TMEM255B: variants seen among roughly 807,000 people sequenced by gnomAD.
TMEM255B encodes the protein transmembrane protein 255B.
Under a neutral mutation model 34.5 loss-of-function variants are expected in TMEM255B, and 35 were observed. The ratio of observed to expected loss-of-function variants is 1.01; its 90% confidence interval spans 0.77 to 1.34. The LOEUF is 1.34. TMEM255B is among the 40% of genes most tolerant of loss of function. The pLI is 0.00. For missense variants in TMEM255B, 432 were observed against 433.2 expected, an observed-to-expected ratio of 1.00 and a Z score of 0.02; for synonymous variants, 206 against 201.2, an observed-to-expected ratio of 1.02 and a Z score of -0.20.
At chr13:113,762,990 G>A (rs1243239571) in intron 1 of TMEM255B, among the ~76,000 whole-genome samples, 1 of 152,216 alleles carries the variant, frequency 6.6e-6, no homozygotes, top group Admixed American at 6.5e-5. Context: ...AAATTGTATT[G>A]CTCTTAAAAT....
intron 8 of TMEM255B, among the ~76,000 whole-genome samples, 157 bp from the exon 9 acceptor site, chr13:113,811,579 G>A (rs892883118): frequency 3.5e-5 from 5 of 144,184 alleles, no homozygotes; most frequent in African/African-American, 1.4e-4. Context: ...CTGGGTCTGC[G>A]GGGGGCCCAT....
Position 113,812,913 on chromosome 13 carries a change from C to T in TMEM255B, c.*1010C>T, listed in dbSNP as rs139131999. ...CAGGCCCCGGGTGAGTCACAGGCCC[C>T]GGGTGAGTCACGGGTCCCGGGTGGG... On this transcript the variant is annotated 3_prime_UTR_variant, in exon 9 of 9. Coordinates refer to ENST00000375353, the MANE Select transcript of TMEM255B (RefSeq NM_182614.4). 0.054 allele frequency: 6,592 copies of T among 122,250 alleles called. 924 individuals are homozygous for T. The highest frequency in any genetic ancestry group is 0.095 in the Admixed American group (1,089 of 11,460). 7.6% of individuals were successfully genotyped at this position (122,250 alleles called of 1,614,324 possible).
intron 3 of TMEM255B, among the ~76,000 whole-genome samples, chr13:113,791,712 G>A (rs1054182028): frequency 5.9e-5 from 9 of 152,370 alleles, no homozygotes; most frequent in African/African-American, 1.9e-4. Flanking sequence ...TGGGTCGAGC[G>A]AAAGAACTTT....
chr13:113,774,833 G>A (rs1025405865), intron 3 of TMEM255B, among the ~76,000 whole-genome samples: 6 of 110,490 alleles, frequency 5.4e-5, no homozygotes, highest in Admixed American at 9.1e-5. Context: ...CAACACACAC[G>A]ACACACACAA....
intron 3 of TMEM255B, among the ~76,000 whole-genome samples, chr13:113,785,772 G>A (rs530747114): frequency 1.3e-5 from 2 of 152,280 alleles, no homozygotes; most frequent in Admixed American, 6.5e-5. Flanking sequence ...TCCTCTTCTC[G>A]ATGAAGGGAT....
chr13:113,804,067 CTG>C (rs2051117967), intron 7 of TMEM255B, among the ~76,000 whole-genome samples: 1 of 152,168 alleles, frequency 6.6e-6, no homozygotes, highest in African/African-American at 2.4e-5. Flanking sequence ...GGAGGGGCAC[CTG>C]TGTGAAGGTG....
At position 113,813,015 on chromosome 13, in the gene TMEM255B, GGGTCCCGGGTGGGTCACA is replaced by G. The variant is rs2051357726; in HGVS notation, c.*1115_*1132del. On this transcript the variant is annotated 3_prime_UTR_variant, in exon 9 of 9. Coordinates refer to ENST00000375353, the MANE Select transcript of TMEM255B (RefSeq NM_182614.4). ...GGGTCACGGGTCCCGAGTGGGTCAC[GGGTCCCGGGTGGGTCACA>G]GGCGCCCCAGTGACAGGAGTTCAGG... The G allele has an allele frequency of 2.0e-5, 2 of 99,860 alleles. No individual in the cohort carries two copies. Among genetic ancestry groups the G allele is most frequent in the Admixed American group, 1.0e-4 (1 of 9,530 alleles). 6.2% of individuals were successfully genotyped at this position (99,860 alleles called of 1,614,324 possible). A position where few individuals can be genotyped will look rare whatever the true frequency, so the allele number is the denominator to read the frequency against.
At chr13:113,774,252 C>T (rs1393858454) in intron 3 of TMEM255B, among the ~76,000 whole-genome samples, 1 of 152,092 alleles carries the variant, frequency 6.6e-6, no homozygotes, top group Non-Finnish European at 1.5e-5. Flanking sequence ...CGCCATTATC[C>T]CTACCCATTA....
Position 113,769,388 on chromosome 13 carries a change from A to G in TMEM255B, c.252+228A>G, listed in dbSNP as rs2050442053. On this transcript the variant is annotated intron_variant, in intron 3 of 8. Coordinates refer to ENST00000375353, the MANE Select transcript of TMEM255B (RefSeq NM_182614.4). The surrounding 1 kb of genome is among the most constrained non-coding windows in gnomAD (Gnocchi z 4.2). ...CATGGCCCTGGGTTGCTGGTGTATC[A>G]ACCTCACGTGGTGTGCAACCACCAA... Among the ~76,000 whole-genome samples the G allele has an allele frequency of 6.6e-6, 1 of 152,216 alleles. No homozygotes were observed. Among genetic ancestry groups the G allele is most frequent in the Non-Finnish European group, 1.5e-5 (1 of 68,038 alleles).
At chr13:113,767,125 C>T (rs1361641751) in intron 2 of TMEM255B, among the ~76,000 whole-genome samples, 1 of 152,106 alleles carries the variant, frequency 6.6e-6, no homozygotes, top group Non-Finnish European at 1.5e-5. Context: ...TAAAGTACTA[C>T]CAAGATTGGT....
chr13:113,797,662 A>G lies in TMEM255B; in HGVS notation c.343-1677A>G, dbSNP rs79989298. On this transcript the variant is annotated intron_variant, in intron 4 of 8. Transcript: ENST00000375353. ...TGTCACCTAGAACGCATCCGGCCATAATAGTACTTCACCAGTGGGGGCCCA... is the reference window on the plus strand; with the variant it reads ...TGTCACCTAGAACGCATCCGGCCATGATAGTACTTCACCAGTGGGGGCCCA... Among the ~76,000 whole-genome samples, 1,076 of 152,352 alleles carry G rather than the reference A, an allele frequency of 7.1e-3. 21 individuals are homozygous for G. Among genetic ancestry groups the G allele is most frequent in the African/African-American group, 0.024 (995 of 41,580 alleles).
At chr13:113,785,381 C>T (rs573606506) in intron 3 of TMEM255B, among the ~76,000 whole-genome samples, 2 of 152,328 alleles carry the variant, frequency 1.3e-5, no homozygotes, top group East Asian at 1.9e-4. Flanking sequence ...CAAAACACTG[C>T]AGGGCAGAGA....
Position 113,811,990 on chromosome 13 carries a change from C to T in TMEM255B, c.*87C>T, listed in dbSNP as rs2051322517. The T allele has an allele frequency of 6.9e-7, 1 of 1,443,624 alleles. No individual in the cohort carries two copies. The highest frequency in any genetic ancestry group is 1.4e-5 in the South Asian group (1 of 73,518). The allele number at this position is 1,443,624 out of a possible 1,614,324, so 89.4% of individuals were successfully genotyped here. On this transcript the variant is annotated 3_prime_UTR_variant, in exon 9 of 9. Coordinates refer to ENST00000375353, the MANE Select transcript of TMEM255B (RefSeq NM_182614.4). ...GAAATCCCGCTTCTGTGGCCAACCT[C>T]CTAGAGAACCCGGGAGAATGTTCCA...
intron 3 of TMEM255B, among the ~76,000 whole-genome samples, chr13:113,786,642 T>A (rs2050750351): frequency 1.9e-5 from 1 of 53,844 alleles, no homozygotes; most frequent in Non-Finnish European, 5.2e-5. Context: ...ATCACCATCA[T>A]CACTGTCGTT....
At chr13:113,773,177 C>G (rs982244446) in intron 3 of TMEM255B, among the ~76,000 whole-genome samples, 1 of 152,032 alleles carries the variant, frequency 6.6e-6, no homozygotes, top group African/African-American at 2.4e-5. Context: ...TTCTTAGGTA[C>G]TTTATTCTTT....
intron 1 of TMEM255B, 94 bp from the exon 2 acceptor site, chr13:113,766,021 C>A: frequency 6.5e-7 from 1 of 1,532,094 alleles, no homozygotes; most frequent in East Asian, 2.2e-5. Context: ...CATCCCAGGA[C>A]CCCTGGGTAA....
At chr13:113,800,778 T>G in intron 5 of TMEM255B, 49 bp from the exon 6 acceptor site, 1 of 1,540,288 alleles carries the variant, frequency 6.5e-7, no homozygotes, top group Non-Finnish European at 8.8e-7. Flanking sequence ...GTGGGGTGGG[T>G]GAGGTGGTGG....
chr13:113,795,074 G>A (rs1489455705), intron 3 of TMEM255B, 74 bp from the exon 4 acceptor site: 1 of 1,394,224 alleles, frequency 7.2e-7, no homozygotes, highest in Non-Finnish European at 1.0e-6. Flanking sequence ...CTCGAGCTGG[G>A]ACTTTGAATT....
In TMEM255B at chr13:113,759,627, C is replaced by T. The variant is rs559609302; in HGVS notation, c.46+312C>T. Reference sequence around the variant, plus strand: ...CCTTTCTCTGACTCTGTGTCCGTTCCTCTTGGCCTCTCTCTCCCTGTTACG... The same window carrying T: ...CCTTTCTCTGACTCTGTGTCCGTTCTTCTTGGCCTCTCTCTCCCTGTTACG... On this transcript the variant is annotated intron_variant, in intron 1 of 8. Transcript: ENST00000375353. 1.7e-3 allele frequency among the ~76,000 whole-genome samples: 260 copies of T among 152,312 alleles called. 1 individual carries two copies. Among genetic ancestry groups the T allele is most frequent in the Middle Eastern group, 0.017 (5 of 294 alleles).
Sources: allele counts gnomAD v4.1 joint callset (sites outside exome capture counted in the v4.1 genomes callset), GRCh38; gene constraint gnomAD v4.1.1; non-coding constraint Gnocchi (gnomAD v3.1); transcripts MANE v1.5; gene names NCBI Gene and HGNC (gene_info 2026-07-23, HGNC 2026-07-21).